GABRA2: variants seen among roughly 807,000 people sequenced by gnomAD.
GABRA2 encodes gamma-aminobutyric acid type A receptor subunit alpha2.
Under a neutral mutation model 48.7 loss-of-function variants are expected in GABRA2, and 16 were observed. That is an observed-to-expected ratio of 0.33 (90% confidence interval 0.22 to 0.50). The LOEUF is 0.50. GABRA2 is among the 20% of genes least tolerant of loss of function. GABRA2 has a pLI of 0.98. For synonymous variants in GABRA2, 185 were observed against 184.5 expected (o/e 1.00, Z -0.02); for missense variants, 275 against 535.6 (o/e 0.51, Z 4.80).
At chr4:46,287,954 G>T (rs748341840) in intron 8 of GABRA2, among the ~76,000 whole-genome samples, 9 of 152,150 alleles carry the variant, frequency 5.9e-5, no homozygotes, top group Non-Finnish European at 1.2e-4. Flanking sequence ...GCATGGAGGA[G>T]CAAGTCACAT....
At chr4:46,308,721 C>T (rs747586055) in intron 6 of GABRA2, among the ~76,000 whole-genome samples, 47 of 152,302 alleles carry the variant, frequency 3.1e-4, no homozygotes, top group Non-Finnish European at 4.6e-4. Flanking sequence ...TATGCTCAAG[C>T]ATGCGATATT....
At chr4:46,389,514 C>A (rs1323575992) in intron 1 of GABRA2, 1 of 589,340 alleles carries the variant, frequency 1.7e-6, no homozygotes, top group African/African-American at 2.0e-5. Context: ...TAACGTGCTG[C>A]CGAGCAGGTG....
chr4:46,254,720 G>A lies in GABRA2; in HGVS notation c.1060-4116C>T, dbSNP rs543795638. Among the ~76,000 whole-genome samples, 5 of 151,544 alleles carry A rather than the reference G, an allele frequency of 3.3e-5. No individual in the cohort carries two copies. The East Asian group carries it at 7.8e-4, about 24-fold the overall frequency. On this transcript the variant is annotated intron_variant, in intron 9 of 9. Transcript: ENST00000381620. ...TTCTCATGGCTTTTGAAAGCTATGC[G>A]TGAATGACTGATAAAATATCTCTCC...
At position 46,246,225 on chromosome 4, in the gene GABRA2, T is replaced by A. The variant is rs1377431961; in HGVS notation, c.*4083A>T. On this transcript the variant is annotated 3_prime_UTR_variant, in exon 10 of 10. Transcript: ENST00000381620. The stretch of plus-strand genomic sequence containing the variant: ...GTTTAATTAACAACAGTCTCCTGTT[T>A]CCTGTGGTTTCTTCTTTTCAGTAAT... Among the ~76,000 whole-genome samples the A allele has an allele frequency of 1.3e-5, 2 of 151,118 alleles. No homozygotes were observed. Among genetic ancestry groups the A allele is most frequent in the South Asian group, 2.1e-4 (1 of 4,826 alleles).
chr4:46,350,287 T>A (rs1339513338), intron 3 of GABRA2, among the ~76,000 whole-genome samples: 1 of 151,896 alleles, frequency 6.6e-6, no homozygotes, highest in Non-Finnish European at 1.5e-5. Flanking sequence ...ACCATGTATA[T>A]GTACTACACA....
At chr4:46,323,396 TCA>T (rs1208876325) in intron 4 of GABRA2, among the ~76,000 whole-genome samples, 1 of 122,520 alleles carries the variant, frequency 8.2e-6, no homozygotes, top group Non-Finnish European at 1.7e-5. Flanking sequence ...TTTGTTCTTC[TCA>T]GATATCTTTT....
rs1731554628 is a variant in GABRA2 at position 46,332,595 on chromosome 4, C to T, written c.255+20G>A. On this transcript the variant is annotated intron_variant, in intron 4 of 9. Coordinates refer to ENST00000381620, the MANE Select transcript of GABRA2 (RefSeq NM_000807.4). Reference sequence around the variant, plus strand: ...CTCCCCATTATGTGAAGTAAAAATACTATTTAATGAAAAACTCACCATATC... The same window carrying T: ...CTCCCCATTATGTGAAGTAAAAATATTATTTAATGAAAAACTCACCATATC... The T allele has an allele frequency of 2.1e-6, 3 of 1,458,618 alleles. No individual in the cohort carries two copies. Among genetic ancestry groups the T allele is most frequent in the East Asian group, 2.3e-5 (1 of 43,964 alleles). The allele number at this position is 1,458,618 out of a possible 1,614,324, so 90.4% of individuals were successfully genotyped here.
intron 3 of GABRA2, among the ~76,000 whole-genome samples, chr4:46,371,428 C>G (rs1482080071): frequency 1.3e-5 from 2 of 152,060 alleles, no homozygotes; most frequent in African/African-American, 4.8e-5. Context: ...TTTTTATAAT[C>G]AATTATTCTT....
chr4:46,274,405 C>G (rs1029052104), intron 8 of GABRA2, among the ~76,000 whole-genome samples: 7 of 152,186 alleles, frequency 4.6e-5, no homozygotes, highest in South Asian at 2.1e-4. Flanking sequence ...TATAATTAAT[C>G]TAACCCTTGC....
intron 8 of GABRA2, among the ~76,000 whole-genome samples, chr4:46,301,249 C>T (rs1394815238): frequency 6.6e-6 from 1 of 151,998 alleles, no homozygotes; most frequent in African/African-American, 2.4e-5. Context: ...ATTCTATTCC[C>T]CAAATTCAAA....
intron 3 of GABRA2, among the ~76,000 whole-genome samples, chr4:46,354,563 G>A (rs908670788): frequency 1.3e-5 from 2 of 151,858 alleles, no homozygotes; most frequent in Admixed American, 6.6e-5. Flanking sequence ...TTTTCTCTTG[G>A]GGATGGCTTC....
intron 2 of GABRA2, among the ~76,000 whole-genome samples, chr4:46,386,487 ATATATTATGATTGTAGAT>A (rs1219259075): frequency 6.6e-6 from 1 of 152,130 alleles, no homozygotes; most frequent in Non-Finnish European, 1.5e-5. Context: ...ATCTCCTGGG[ATATATTATGATTGTAGAT>A]TAACACATGC....
At chr4:46,326,566 G>C (rs191058156) in intron 4 of GABRA2, among the ~76,000 whole-genome samples, 18 of 150,084 alleles carry the variant, frequency 1.2e-4, no homozygotes, top group African/African-American at 3.4e-4. Context: ...CATTTTGACA[G>C]ATACCCACAT....
intron 3 of GABRA2, among the ~76,000 whole-genome samples, chr4:46,360,896 G>A (rs964666769): frequency 7.2e-5 from 11 of 152,234 alleles, no homozygotes; most frequent in African/African-American, 2.4e-4. Flanking sequence ...CAAAGACAGT[G>A]TTGGCATTTT....
At chr4:46,257,910 G>T (rs1328518480) in intron 9 of GABRA2, among the ~76,000 whole-genome samples, 1 of 151,722 alleles carries the variant, frequency 6.6e-6, no homozygotes, top group Admixed American at 6.6e-5. Context: ...TTAGGTTGTG[G>T]CATTAACTGA....
chr4:46,364,640 G>C (rs1713754448), intron 3 of GABRA2: 1 of 152,214 alleles, frequency 6.6e-6, no homozygotes, highest in African/African-American at 2.4e-5. Flanking sequence ...TGGCTGTCAA[G>C]TCTCATCTCC....
intron 4 of GABRA2, among the ~76,000 whole-genome samples, chr4:46,325,089 A>G (rs1024370812): frequency 6.6e-6 from 1 of 151,852 alleles, no homozygotes; most frequent in African/African-American, 2.4e-5. Flanking sequence ...TAGAATAGTA[A>G]TAAGTATATA....
At chr4:46,256,076 TAC>T in intron 9 of GABRA2, 5 of 433,422 alleles carry the variant, frequency 1.2e-5, no homozygotes, top group Non-Finnish European at 2.1e-5. Flanking sequence ...GTTGCCTTTT[TAC>T]AGTTATTGTG....
intron 3 of GABRA2, among the ~76,000 whole-genome samples, chr4:46,344,064 A>T (rs1295978117): frequency 6.6e-6 from 1 of 152,012 alleles, no homozygotes; most frequent in Non-Finnish European, 1.5e-5. Flanking sequence ...TTACTATTAT[A>T]ATTGGAGTCC....
Sources: gnomAD v4.1 joint callset for allele counts (sites outside exome capture counted in the v4.1 genomes callset) on GRCh38, gnomAD v4.1.1 for gene constraint, MANE v1.5 for transcripts, NCBI Gene and HGNC (gene_info 2026-07-23, HGNC 2026-07-21) for gene names.